UGCG: variants seen among roughly 807,000 people sequenced by gnomAD.
The protein encoded by UGCG is UDP-glucose ceramide glucosyltransferase.
In UGCG, 10 loss-of-function variants were observed where a neutral mutation model predicts 49.5. The observed-to-expected ratio is 0.20, with a 90% CI of 0.12 to 0.34. The LOEUF (loss-of-function observed/expected upper bound fraction) is 0.34. Ranked by LOEUF, UGCG falls within the 10% of genes least tolerant of loss-of-function variation. The pLI, the probability that UGCG is intolerant of heterozygous loss-of-function variation, is 1.00. For missense variants in UGCG, 312 were observed against 483.7 expected (o/e 0.65, Z 3.33); for synonymous variants, 182 against 158.2 (o/e 1.15, Z -1.13).
In UGCG at chr9:111,933,471, A is replaced by G. The variant is rs1838463303; in HGVS notation, c.*474A>G. 6.6e-6 allele frequency: 1 copy of G among 152,202 alleles called. No individual in the cohort carries two copies. Among genetic ancestry groups the G allele is most frequent in the Non-Finnish European group, 1.5e-5 (1 of 68,046 alleles). The allele number at this position is 152,202 out of a possible 1,614,324, so 9.4% of individuals were successfully genotyped here. Reference sequence around the variant, plus strand: ...AGTGAATGGTTTTGTGCAGTGAACAACACATGGCGAGGTACTAACTGAGAA... The same window carrying G: ...AGTGAATGGTTTTGTGCAGTGAACAGCACATGGCGAGGTACTAACTGAGAA... On this transcript the variant is annotated 3_prime_UTR_variant, in exon 9 of 9. Coordinates refer to ENST00000374279, the MANE Select transcript of UGCG (RefSeq NM_003358.3).
In UGCG at chr9:111,924,706, A is replaced by G. The variant is rs567329209; in HGVS notation, c.344-71A>G. The G allele has an allele frequency of 9.6e-5, 65 of 674,858 alleles. No individual in the cohort carries two copies. The African/African-American group carries it at 1.1e-3, about 11-fold the overall frequency. 41.8% of individuals were successfully genotyped at this position (674,858 alleles called of 1,614,324 possible). On this transcript the variant is annotated intron_variant, in intron 3 of 8. Coordinates refer to ENST00000374279, the MANE Select transcript of UGCG (RefSeq NM_003358.3). ...ATATGCAAGTATTCTCATTTCTATC[A>G]TGTATCTTTATACTATAAAATATTT...
intron 1 of UGCG, among the ~76,000 whole-genome samples, chr9:111,908,338 C>T (rs1422777147): frequency 6.6e-6 from 1 of 152,194 alleles, no homozygotes; most frequent in Non-Finnish European, 1.5e-5. Flanking sequence ...AGGAAAGATA[C>T]ATCCTATGGG....
intron 1 of UGCG, among the ~76,000 whole-genome samples, chr9:111,910,570 A>G (rs752913186): frequency 6.6e-6 from 1 of 151,982 alleles, no homozygotes; most frequent in Non-Finnish European, 1.5e-5. Context: ...GATGTCAGTG[A>G]TTGTAACTGT....
intron 8 of UGCG, 100 bp from the exon 9 acceptor site, chr9:111,932,727 A>C: frequency 8.8e-7 from 1 of 1,136,168 alleles, no homozygotes; most frequent in Non-Finnish European, 1.2e-6. Context: ...TTGATTTTAC[A>C]TAGTATACTT....
rs796801768 is a variant in UGCG, at chr9:111,913,398, G to A, written c.99-1207G>A. On this transcript the variant is annotated intron_variant, in intron 1 of 8. Transcript: ENST00000374279. ...GAATGGCATCTTGTTGCAACAGCCTGATGTTAACTGGGGCACGTTCTGTCT... is the reference window on the plus strand; with the variant it reads ...GAATGGCATCTTGTTGCAACAGCCTAATGTTAACTGGGGCACGTTCTGTCT... Among the ~76,000 whole-genome samples, 18 of 149,874 alleles carry A rather than the reference G, an allele frequency of 1.2e-4. 1 individual carries two copies. The highest frequency in any genetic ancestry group is 4.1e-4 in the African/African-American group (17 of 41,398).
chr9:111,918,562 T>G (rs1409842607), intron 2 of UGCG, among the ~76,000 whole-genome samples: 1 of 152,010 alleles, frequency 6.6e-6, no homozygotes, highest in Non-Finnish European at 1.5e-5. Context: ...TGAATATGAG[T>G]CTCATTTACA....
chr9:111,932,491 C>A, intron 8 of UGCG, 132 bp downstream of exon 8: 1 of 972,950 alleles, frequency 1.0e-6, no homozygotes, highest in South Asian at 2.0e-5. Context: ...CGGGTTTGAA[C>A]ATGACTTTCT....
intron 1 of UGCG, among the ~76,000 whole-genome samples, chr9:111,909,197 A>G (rs55972633): frequency 0.14 from 21,013 of 152,170 alleles, 1,981 homozygotes; most frequent in African/African-American, 0.27. Context: ...TAGAATTATA[A>G]GCATGAGCCA....
chr9:111,925,053 C>A (rs573684662), intron 4 of UGCG, among the ~76,000 whole-genome samples, 175 bp downstream of exon 4: 2 of 151,794 alleles, frequency 1.3e-5, no homozygotes, highest in Non-Finnish European at 2.9e-5. Flanking sequence ...TTTTTTTAAT[C>A]CTAAACTAGA....
chr9:111,902,782 C>CT (rs532533671), intron 1 of UGCG, among the ~76,000 whole-genome samples: 4,775 of 145,794 alleles, frequency 0.033, 90 homozygotes, highest in African/African-American at 0.052. Flanking sequence ...GAAATTCTCT[C>CT]TTTTTTTTTT....
chr9:111,907,321 T>G (rs894003078), intron 1 of UGCG, among the ~76,000 whole-genome samples: 3 of 152,176 alleles, frequency 2.0e-5, no homozygotes, highest in African/African-American at 7.2e-5. Context: ...ACCTCTCCTA[T>G]TAACACATGG....
At chr9:111,932,129 C>A in intron 7 of UGCG, 41 bp from the exon 8 acceptor site, 1 of 1,582,146 alleles carries the variant, frequency 6.3e-7, no homozygotes, top group Non-Finnish European at 8.6e-7. Flanking sequence ...TGTCTTGTAG[C>A]CAGGATATTG....
Position 111,932,880 on chromosome 9 carries a change from C to T in UGCG, c.1068C>T (p.Arg356=), listed in dbSNP as rs772096102. 8.1e-6 allele frequency: 13 copies of T among 1,610,562 alleles called. No individual in the cohort carries two copies. Among genetic ancestry groups the T allele is most frequent in the Middle Eastern group, 1.6e-4 (1 of 6,078 alleles). Residue 356 remains arginine (R), a synonymous_variant, in exon 9 of 9, where the codon CGC becomes CGT. Transcript: ENST00000374279. The part of the protein sequence containing the change: ...KLDYAVAWFI[R]ESMTIYIFLS... ...ATTATGCAGTCGCCTGGTTCATCCG[C>T]GAATCCATGACAATATACATTTTTT...
chr9:111,912,503 C>T (rs199931125), intron 1 of UGCG, among the ~76,000 whole-genome samples: 15 of 151,636 alleles, frequency 9.9e-5, no homozygotes, highest in Non-Finnish European at 1.9e-4. Context: ...CATTTGAACC[C>T]GGGAGGCGAA....
In UGCG at chr9:111,934,286, C is replaced by A. The variant is rs972180936; in HGVS notation, c.*1289C>A. ...ACCTCACTGTTTTCTCCCCATCATGCCGCTAAACTTGCTCGCCAGGTTGTG... is the reference window on the plus strand; with the variant it reads ...ACCTCACTGTTTTCTCCCCATCATGACGCTAAACTTGCTCGCCAGGTTGTG... On this transcript the variant is annotated 3_prime_UTR_variant, in exon 9 of 9. Coordinates refer to ENST00000374279, the MANE Select transcript of UGCG (RefSeq NM_003358.3). The A allele has an allele frequency of 1.3e-5, 2 of 151,938 alleles. No homozygotes were observed. Among genetic ancestry groups the A allele is most frequent in the Admixed American group, 1.3e-4 (2 of 15,256 alleles). 9.4% of individuals were successfully genotyped at this position (151,938 alleles called of 1,614,324 possible).
At chr9:111,907,833 T>C (rs1180726444) in intron 1 of UGCG, among the ~76,000 whole-genome samples, 2 of 152,152 alleles carry the variant, frequency 1.3e-5, no homozygotes, top group Non-Finnish European at 2.9e-5. Flanking sequence ...TTCACCATGT[T>C]GGCCAGGCTG....
intron 2 of UGCG, 171 bp downstream of exon 2, chr9:111,914,917 T>A (rs1395115041): frequency 3.2e-6 from 3 of 945,296 alleles, no homozygotes; most frequent in Non-Finnish European, 4.4e-6. Context: ...AGAAATAGGT[T>A]GAGGAAGGGG....
intron 1 of UGCG, among the ~76,000 whole-genome samples, chr9:111,907,320 A>G (rs573299727): frequency 1.1e-4 from 17 of 152,336 alleles, no homozygotes; most frequent in African/African-American, 3.8e-4. Flanking sequence ...CACCTCTCCT[A>G]TTAACACATG....
chr9:111,921,065 G>A (rs993706457), intron 2 of UGCG, among the ~76,000 whole-genome samples: 7 of 151,872 alleles, frequency 4.6e-5, no homozygotes, highest in African/African-American at 1.5e-4. Flanking sequence ...ACTACACTTG[G>A]CTAATTTTTC....
Sources: allele counts gnomAD v4.1 joint callset (sites outside exome capture counted in the v4.1 genomes callset), GRCh38; gene constraint gnomAD v4.1.1; transcripts MANE v1.5; gene names NCBI Gene and HGNC (gene_info 2026-07-23, HGNC 2026-07-21).